CLCF1: variants seen among roughly 807,000 people sequenced by gnomAD.
CLCF1 encodes the protein cardiotrophin-like cytokine factor 1.
In CLCF1, 10 loss-of-function variants were observed where a neutral mutation model predicts 21.2. That is an observed-to-expected ratio of 0.47 (90% confidence interval 0.29 to 0.80). The LOEUF (loss-of-function observed/expected upper bound fraction) is 0.80, where lower values mean the gene tolerates loss of function less well. Ranked by LOEUF, CLCF1 falls within the 30% of genes least tolerant of loss-of-function variation. CLCF1 has a pLI of 0.09. For missense variants in CLCF1, 240 were observed against 293.4 expected (o/e 0.82, Z 1.33); for synonymous variants, 115 against 120.5 (o/e 0.95, Z 0.30).
At chr11:67,366,919 C>T (rs764496724) in intron 2 of CLCF1, among the ~76,000 whole-genome samples, 1 of 152,128 alleles carries the variant, frequency 6.6e-6, no homozygotes, top group Non-Finnish European at 1.5e-5. Flanking sequence ...TACAGCATAA[C>T]CTCCATCCAC....
chr11:67,370,626 ACACACT>A (rs1862211468), intron 1 of CLCF1: 2 of 972,770 alleles, frequency 2.1e-6, no homozygotes, highest in African/African-American at 4.1e-5. Context: ...ACACACACAC[ACACACT>A]CTCTCTCTCT....
rs757479653 is a variant in CLCF1 at position 67,367,499 on chromosome 11, G to T, written c.144C>A (p.Arg48=). 9.9e-6 allele frequency: 16 copies of T among 1,614,254 alleles called. No individual in the cohort carries two copies. Among genetic ancestry groups the T allele is most frequent in the Non-Finnish European group, 1.3e-5 (15 of 1,180,034 alleles). Residue 48 remains arginine, a synonymous_variant, in exon 2 of 3, where the codon CGC becomes CGA. Transcript: ENST00000312438. ...AGCTGCGGAGTTGGTGCTCCAGGTAGCGGGTGAGGTCATAGGTTTTCTGGA... is the reference window on the plus strand; with the variant it reads ...AGCTGCGGAGTTGGTGCTCCAGGTATCGGGTGAGGTCATAGGTTTTCTGGA... ...PSIQKTYDLT[R]YLEHQLRSLA...
intron 1 of CLCF1, chr11:67,369,842 A>T: frequency 1.0e-6 from 1 of 985,414 alleles, no homozygotes; most frequent in South Asian, 4.7e-5. Flanking sequence ...GCCCTGTGGG[A>T]CATCCCTAGG....
chr11:67,372,659 G>A lies in CLCF1; in HGVS notation c.16+865C>T, dbSNP rs1054056107. Among the ~76,000 whole-genome samples the A allele has an allele frequency of 1.3e-5, 2 of 149,132 alleles. No homozygotes were observed. Among genetic ancestry groups the A allele is most frequent in the South Asian group, 2.1e-4 (1 of 4,710 alleles). On this transcript the variant is annotated intron_variant, in intron 1 of 2. Coordinates refer to ENST00000312438, the MANE Select transcript of CLCF1 (RefSeq NM_013246.3). The surrounding 1 kb of genome is among the most constrained non-coding windows in gnomAD (Gnocchi z 5.9). ...GGGCGGGGGCGGGGTCCGGGGCACC[G>A]GGCTCCGGGCTCTGCCCGGCGCTGC... is the stretch of plus-strand genomic sequence containing the variant.
At chr11:67,370,500 CG>C (rs1862206567) in intron 1 of CLCF1, 1 of 984,744 alleles carries the variant, frequency 1.0e-6, no homozygotes, top group Non-Finnish European at 1.2e-6. Flanking sequence ...CGGCTGAGCA[CG>C]TGAGGAGCTA....
rs1043002333 is a variant in CLCF1 at position 67,370,045 on chromosome 11, G to A, written c.17-2419C>T. 7 of 985,262 alleles carry A rather than the reference G, an allele frequency of 7.1e-6. No individual in the cohort carries two copies. The South Asian group carries it at 1.4e-4, about 20-fold the overall frequency. The allele number at this position is 985,262 out of a possible 1,614,324, so 61.0% of individuals were successfully genotyped here. On this transcript the variant is annotated intron_variant, in intron 1 of 2. Transcript: ENST00000312438. ...GGGGCAGGGGAGAACAGAAGGATCC[G>A]ACGGCCCACAGAACCAGAAAGAGGG...
intron 1 of CLCF1, 37 bp from the exon 2 acceptor site, chr11:67,367,663 C>G: frequency 1.3e-6 from 2 of 1,594,000 alleles, no homozygotes; most frequent in Non-Finnish European, 1.7e-6. Context: ...GAGCGCGGCC[C>G]GGGCCCACAC....
At chr11:67,369,772 T>G (rs1862190207) in intron 1 of CLCF1, 1 of 985,310 alleles carries the variant, frequency 1.0e-6, no homozygotes, top group Non-Finnish European at 1.2e-6. Context: ...GCTCTGCCTT[T>G]GTCATGGCCA....
rs1188529608 is a variant in CLCF1 at position 67,372,882 on chromosome 11, G to A, written c.16+642C>T. On this transcript the variant is annotated intron_variant, in intron 1 of 2. Transcript: ENST00000312438. The surrounding 1 kb of genome is among the most constrained non-coding windows in gnomAD (Gnocchi z 5.9). ...CGCCCCTACCTGCCGCCGGCTCCCCGGCCGTGGGCACCATGGAGGGTTCCG... is the reference window on the plus strand; with the variant it reads ...CGCCCCTACCTGCCGCCGGCTCCCCAGCCGTGGGCACCATGGAGGGTTCCG... Among the ~76,000 whole-genome samples, 4 of 148,940 alleles carry A rather than the reference G, an allele frequency of 2.7e-5. No individual in the cohort carries two copies. Among genetic ancestry groups the A allele is most frequent in the Non-Finnish European group, 1.5e-5 (1 of 66,890 alleles).
rs1362572041 is a variant in CLCF1, at chr11:67,372,079, G to A, written c.16+1445C>T. 3.9e-5 allele frequency among the ~76,000 whole-genome samples: 6 copies of A among 152,158 alleles called. No individual in the cohort carries two copies. Among genetic ancestry groups the A allele is most frequent in the Non-Finnish European group, 8.8e-5 (6 of 68,016 alleles). Reference sequence around the variant, plus strand: ...AATATGTACTCGCATCCTGTCCGGTGTGAGGGGCAACGTGTGCTCCCGAGC... The same window carrying A: ...AATATGTACTCGCATCCTGTCCGGTATGAGGGGCAACGTGTGCTCCCGAGC... On this transcript the variant is annotated intron_variant, in intron 1 of 2. Coordinates refer to ENST00000312438, the MANE Select transcript of CLCF1 (RefSeq NM_013246.3). The surrounding 1 kb of genome is among the most constrained non-coding windows in gnomAD (Gnocchi z 5.9).
intron 1 of CLCF1, chr11:67,369,800 C>T: frequency 1.0e-6 from 1 of 985,436 alleles, no homozygotes; most frequent in Non-Finnish European, 1.2e-6. Flanking sequence ...CAGTCAGGAA[C>T]CCAGCTCAGA....
chr11:67,368,028 C>T (rs1244018843), intron 1 of CLCF1: 2 of 925,112 alleles, frequency 2.2e-6, no homozygotes, highest in Non-Finnish European at 2.4e-6. Context: ...TGCCAGTCTT[C>T]AGTCCCACTG....
chr11:67,367,517 T>C lies in CLCF1; in HGVS notation c.126A>G (p.Lys42=). 1 of 1,614,124 alleles carries C rather than the reference T, an allele frequency of 6.2e-7. No individual in the cohort carries two copies. Among genetic ancestry groups the C allele is most frequent in the Non-Finnish European group, 8.5e-7 (1 of 1,179,996 alleles). The part of the protein sequence containing the change: ...GDPGPGPSIQ[K]TYDLTRYLEH... ...CCAGGTAGCGGGTGAGGTCATAGGT[T>C]TTCTGGATGGAGGGGCCAGGCCCTG... The change falls in exon 2 of 3, where the codon AAA becomes AAG. Residue 42 remains lysine (K), a synonymous_variant. Coordinates refer to ENST00000312438, the MANE Select transcript of CLCF1 (RefSeq NM_013246.3).
chr11:67,374,147 C>T, upstream of CLCF1: 1 of 985,644 alleles, frequency 1.0e-6, no homozygotes. Context: ...CACATTCTCC[C>T]AAATGCCAGC....
intron 1 of CLCF1, 121 bp downstream of exon 1, chr11:67,373,403 C>G (rs1376967380): frequency 2.0e-6 from 1 of 489,502 alleles, no homozygotes; most frequent in Non-Finnish European, 3.4e-6. Flanking sequence ...TCCCCCGGCC[C>G]GAGCCCAGCT....
intron 1 of CLCF1, chr11:67,368,132 G>A (rs955505067): frequency 5.9e-5 from 58 of 985,264 alleles, no homozygotes; most frequent in Non-Finnish European, 6.6e-5. Flanking sequence ...GGAGAGAGGC[G>A]GCCGCCAAGA....
chr11:67,364,494 T>C lies in CLCF1; in HGVS notation c.*642A>G, dbSNP rs934761740. 6 of 152,610 alleles carry C rather than the reference T, an allele frequency of 3.9e-5. No individual in the cohort carries two copies. The highest frequency in any genetic ancestry group is 1.4e-4 in the African/African-American group (6 of 41,406). 9.5% of individuals were successfully genotyped at this position (152,610 alleles called of 1,614,324 possible). A position where few individuals can be genotyped will look rare whatever the true frequency, so the allele number is the denominator to read the frequency against. On this transcript the variant is annotated 3_prime_UTR_variant, in exon 3 of 3. Transcript: ENST00000312438. ...GCAAGGTCCTGATGCTCAGCTCGGG[T>C]TTTGTTTGCCACTCTGTGCTTTGGA...
intron 1 of CLCF1, 74 bp downstream of exon 1, chr11:67,373,450 A>G: frequency 1.2e-6 from 1 of 820,168 alleles, no homozygotes; most frequent in Non-Finnish European, 1.8e-6. Flanking sequence ...CCCGGGGGTC[A>G]GGGCAGGACG....
At chr11:67,369,825 A>G (rs1471655122) in intron 1 of CLCF1, 2 of 985,174 alleles carry the variant, frequency 2.0e-6, no homozygotes, top group Non-Finnish European at 2.4e-6. Flanking sequence ...ACCCTCTCCC[A>G]TTCTGAGCCC....
Sources: gnomAD v4.1 joint callset for allele counts (sites outside exome capture counted in the v4.1 genomes callset) on GRCh38, gnomAD v4.1.1 for gene constraint, Gnocchi (gnomAD v3.1) non-coding constraint, MANE v1.5 for transcripts, NCBI Gene and HGNC (gene_info 2026-07-23, HGNC 2026-07-21) for gene names.